Variants in MMRN2 observed in about 807,000 individuals in gnomAD.
The protein encoded by MMRN2 is multimerin 2.
In MMRN2, 53 loss-of-function variants were observed where a neutral mutation model predicts 68.8. The observed-to-expected ratio is 0.77, with a 90% CI of 0.62 to 0.97. MMRN2 has a LOEUF of 0.97. Ranked by LOEUF, MMRN2 falls within the 50% of genes least tolerant of loss-of-function variation. The pLI, the probability that MMRN2 is intolerant of heterozygous loss-of-function variation, is 0.00. For missense variants in MMRN2, 1,266 were observed against 1,259.5 expected (o/e 1.01, Z -0.08); for synonymous variants, 564 against 551.6 (o/e 1.02, Z -0.32).
Position 86,942,735 on chromosome 10 carries a change from G to A in MMRN2, c.2049C>T (p.Asp683=). Residue 683 remains aspartate (D), a synonymous_variant, in exon 6 of 7, where the codon GAC becomes GAT. Coordinates refer to ENST00000372027, the MANE Select transcript of MMRN2 (RefSeq NM_024756.3). ...TGGTGGCGGCCTCCTCGCGGCCCGC[G>A]TCGTGGCTGGGCTCCAGGTGCTCTG... ...RPAEHLEPSH[D]AGREEAATTA... 7.0e-7 allele frequency: 1 copy of A among 1,421,442 alleles called. No individual in the cohort carries two copies. The allele number at this position is 1,421,442 out of a possible 1,614,324, so 88.1% of individuals were successfully genotyped here. A position where few individuals can be genotyped will look rare whatever the true frequency, so the allele number is the denominator to read the frequency against.
Position 86,943,722 on chromosome 10 carries a change from C to G in MMRN2, c.1062G>C (p.Val354=), listed in dbSNP as rs375087673. 2.5e-6 allele frequency: 4 copies of G among 1,608,892 alleles called. No homozygotes were observed. In the African/African-American group the frequency reaches 5.3e-5, roughly 21 times the overall value. Residue 354 remains valine, a synonymous_variant, in exon 6 of 7, where the codon GTG becomes GTC. Coordinates refer to ENST00000372027, the MANE Select transcript of MMRN2 (RefSeq NM_024756.3). The surrounding 1 kb of genome is among the most constrained non-coding windows in gnomAD (Gnocchi z 4.2). ...TTGCCCCAGCCCCAGGCGTTGCCAACACCAGACTGCCATTGGTCCCTGGGG... is the reference window on the plus strand; with the variant it reads ...TTGCCCCAGCCCCAGGCGTTGCCAAGACCAGACTGCCATTGGTCCCTGGGG... ...QEAPGTNGSL[V]LATPGAGARP...
At chr10:86,945,143 G>A in intron 4 of MMRN2, 45 bp downstream of exon 4, 1 of 1,559,826 alleles carries the variant, frequency 6.4e-7, no homozygotes, top group African/African-American at 1.4e-5. Context: ...TGGCTACATG[G>A]GCCCCACCAG....
chr10:86,950,000 G>C (rs1176715602), intron 1 of MMRN2: 1 of 151,484 alleles, frequency 6.6e-6, no homozygotes, highest in Non-Finnish European at 1.5e-5. Flanking sequence ...CTAGGAATTT[G>C]AGACCAGCCT....
At position 86,943,847 on chromosome 10, in the gene MMRN2, C is replaced by A; in HGVS notation, c.937G>T (p.Asp313Tyr). ...GTAAAGTGCTGGGCGTGCAGGCGGT[C>A]CTCCACGTCCTGTCGCAGCTGACCC... Reference protein sequence around the residue: ...RVGQLRQDVEDRLHAQHFTLH... With the variant: ...RVGQLRQDVEYRLHAQHFTLH... Residue 313 changes from aspartate (D) to tyrosine (Y), a missense_variant, in exon 6 of 7, where the codon GAC becomes TAC. Transcript: ENST00000372027. This position sits in a 1 kb window ranked among gnomAD's most constrained non-coding sequence, Gnocchi z 4.2. The A allele has an allele frequency of 6.2e-7, 1 of 1,613,200 alleles. No homozygotes were observed.
At position 86,943,687 on chromosome 10, in the gene MMRN2, G is replaced by A. The variant is rs751062543; in HGVS notation, c.1097C>T (p.Pro366Leu). ...GCCCAGCCTGGCCTGCAGGCTGTCC[G>A]GCTCAGGCCTTGCCCCAGCCCCAGG... ...ATPGAGARPEPDSLQARLGQL... is the reference protein window; with the variant it reads ...ATPGAGARPELDSLQARLGQL... The change falls in exon 6 of 7, where the codon CCG becomes CTG. Residue 366 changes from proline to leucine, a missense_variant. Coordinates refer to ENST00000372027, the MANE Select transcript of MMRN2 (RefSeq NM_024756.3). This position sits in a 1 kb window ranked among gnomAD's most constrained non-coding sequence, Gnocchi z 4.2. 2.4e-5 allele frequency: 39 copies of A among 1,610,672 alleles called. No individual in the cohort carries two copies. The South Asian group carries it at 2.7e-4, about 11-fold the overall frequency.
In MMRN2 at chr10:86,942,816, G is replaced by A. The variant is rs776837048; in HGVS notation, c.1968C>T (p.Asp656=). Residue 656 remains aspartate (D), a synonymous_variant, in exon 6 of 7, where the codon GAC becomes GAT. Coordinates refer to ENST00000372027, the MANE Select transcript of MMRN2 (RefSeq NM_024756.3). ...GGGCCGTCACTCGGGCGGCCAGCTC[G>A]TCCCAGCCGAGCGCCTGCTCCTGCA... is the stretch of plus-strand genomic sequence containing the variant. ...SGLQEQALGW[D]ELAARVTALE... The A allele has an allele frequency of 3.7e-6, 5 of 1,360,826 alleles. No homozygotes were observed. Among genetic ancestry groups the A allele is most frequent in the South Asian group, 1.7e-5 (1 of 57,498 alleles). 84.3% of individuals were successfully genotyped at this position (1,360,826 alleles called of 1,614,324 possible). A position where few individuals can be genotyped will look rare whatever the true frequency, so the allele number is the denominator to read the frequency against.
At chr10:86,945,050 C>T (rs1844045404) in intron 4 of MMRN2, 138 bp downstream of exon 4, 3 of 722,828 alleles carry the variant, frequency 4.2e-6, no homozygotes, top group Non-Finnish European at 6.8e-6. Context: ...GGAGGTGGTA[C>T]AGGCCACAGA....
Position 86,936,708 on chromosome 10 carries a change from G to A in MMRN2, c.*35C>T, listed in dbSNP as rs755650561. ...AGCCCCAGGCCGAGGAGAGCTGGGC[G>A]AGTCCATGATGTCTGATCAGATTGG... On this transcript the variant is annotated 3_prime_UTR_variant, in exon 7 of 7. Coordinates refer to ENST00000372027, the MANE Select transcript of MMRN2 (RefSeq NM_024756.3). 1.5e-5 allele frequency: 24 copies of A among 1,603,134 alleles called. No homozygotes were observed. Among genetic ancestry groups the A allele is most frequent in the East Asian group, 4.5e-5 (2 of 44,696 alleles).
chr10:86,950,465 C>T lies in MMRN2; in HGVS notation c.165-4776G>A, dbSNP rs181863554. On this transcript the variant is annotated intron_variant, in intron 1 of 6. Coordinates refer to ENST00000372027, the MANE Select transcript of MMRN2 (RefSeq NM_024756.3). Reference sequence around the variant, plus strand: ...GCATGGCACACCCAGGATGCAGAACCGTGGTGTCACAGGAAACACTCTAAC... The same window carrying T: ...GCATGGCACACCCAGGATGCAGAACTGTGGTGTCACAGGAAACACTCTAAC... Among the ~76,000 whole-genome samples, 82 of 152,268 alleles carry T rather than the reference C, an allele frequency of 5.4e-4. No homozygotes were observed. In the East Asian group the frequency reaches 0.015, roughly 28 times the overall value.
At position 86,943,287 on chromosome 10, in the gene MMRN2, T is replaced by A; in HGVS notation, c.1497A>T (p.Leu499Phe). The A allele has an allele frequency of 6.2e-7, 1 of 1,613,632 alleles. No individual in the cohort carries two copies. The highest frequency in any genetic ancestry group is 8.5e-7 in the Non-Finnish European group (1 of 1,180,020). ...VKDCNCQKLY[L>F]DLDVIREGQR... ...GGCCCTCCCGGATGACGTCCAGGTCTAAATAGAGCTTCTGGCAATTGCAGT... is the reference window on the plus strand; with the variant it reads ...GGCCCTCCCGGATGACGTCCAGGTCAAAATAGAGCTTCTGGCAATTGCAGT... Residue 499 changes from leucine (L) to phenylalanine (F), a missense_variant, in exon 6 of 7, where the codon TTA becomes TTT. Leu to Phe is a conservative substitution (Grantham distance 22, BLOSUM62 0). Coordinates refer to ENST00000372027, the MANE Select transcript of MMRN2 (RefSeq NM_024756.3). This position sits in a 1 kb window ranked among gnomAD's most constrained non-coding sequence, Gnocchi z 4.2.
intron 1 of MMRN2, among the ~76,000 whole-genome samples, chr10:86,950,955 T>A (rs139068686): frequency 6.6e-6 from 1 of 152,216 alleles, no homozygotes; most frequent in African/African-American, 2.4e-5. Flanking sequence ...AGCTCATAGA[T>A]AATGCTACTT....
chr10:86,946,457 C>A (rs1844070001), intron 1 of MMRN2, among the ~76,000 whole-genome samples: 1 of 152,226 alleles, frequency 6.6e-6, no homozygotes, highest in Non-Finnish European at 1.5e-5. Flanking sequence ...GAGCAGTGTC[C>A]TCTCTGGGAT....
Position 86,945,495 on chromosome 10 carries a change from T to C in MMRN2, c.294-19A>G, listed in dbSNP as rs1415994967. ...GCGGTACCTGGAAGAGGAGAAGGGCTGGCTCAGTGATTCCAGGGAGGGCCC... is the reference window on the plus strand; with the variant it reads ...GCGGTACCTGGAAGAGGAGAAGGGCCGGCTCAGTGATTCCAGGGAGGGCCC... On this transcript the variant is annotated intron_variant, in intron 2 of 6. Transcript: ENST00000372027. The C allele has an allele frequency of 1.3e-6, 2 of 1,556,802 alleles. No homozygotes were observed. The highest frequency in any genetic ancestry group is 1.2e-5 in the South Asian group (1 of 84,798).
At position 86,942,575 on chromosome 10, in the gene MMRN2, G is replaced by C. The variant is rs757661512; in HGVS notation, c.2209C>G (p.Leu737Val). 5.0e-6 allele frequency: 8 copies of C among 1,612,244 alleles called. No individual in the cohort carries two copies. Among genetic ancestry groups the C allele is most frequent in the African/African-American group, 1.3e-5 (1 of 74,946 alleles). The change falls in exon 6 of 7, where the codon CTC (leucine) becomes GTC (valine). Residue 737 changes from leucine to valine, a missense_variant. Coordinates refer to ENST00000372027, the MANE Select transcript of MMRN2 (RefSeq NM_024756.3). ...TCCAAGCTGCGCTGAGTGGCGAAGA[G>C]TGCGTTGTGGAGGCCGTGAAGGGAG... is the stretch of plus-strand genomic sequence containing the variant. ...NASLHGLHNA[L>V]FATQRSLEQH... is the part of the protein sequence containing the mutation.
rs1343800185 is a variant in MMRN2 at position 86,937,007 on chromosome 10, G to A, written c.2586C>T (p.Phe862=). 2.5e-6 allele frequency: 4 copies of A among 1,614,124 alleles called. No homozygotes were observed. The highest frequency in any genetic ancestry group is 3.4e-6 in the Non-Finnish European group (4 of 1,180,052). ...GSSYFPEHGY[F]RAPERGVYLF... ...GGTAGACACCACGCTCAGGGGCTCG[G>A]AAGTAGCCATGTTCAGGGAAGTAGC... Residue 862 remains phenylalanine (F), a synonymous_variant, in exon 7 of 7, where the codon TTC becomes TTT. Coordinates refer to ENST00000372027, the MANE Select transcript of MMRN2 (RefSeq NM_024756.3).
Position 86,936,508 on chromosome 10 carries a change from T to A in MMRN2, c.*235A>T, listed in dbSNP as rs1389171544. 1 of 580,530 alleles carries A rather than the reference T, an allele frequency of 1.7e-6. No homozygotes were observed. Among genetic ancestry groups the A allele is most frequent in the Admixed American group, 3.0e-5 (1 of 33,200 alleles). 36.0% of individuals were successfully genotyped at this position (580,530 alleles called of 1,614,324 possible). A position where few individuals can be genotyped will look rare whatever the true frequency, so the allele number is the denominator to read the frequency against. Reference sequence around the variant, plus strand: ...CTGAGAAGGCATGCCAAGCCAAGGTTCAGGCTTCCTAGGACCATGTCCTGC... The same window carrying A: ...CTGAGAAGGCATGCCAAGCCAAGGTACAGGCTTCCTAGGACCATGTCCTGC... On this transcript the variant is annotated 3_prime_UTR_variant, in exon 7 of 7. Transcript: ENST00000372027.
chr10:86,943,155 C>T lies in MMRN2; in HGVS notation c.1629G>A (p.Val543=). 6.3e-7 allele frequency: 1 copy of T among 1,599,528 alleles called. No individual in the cohort carries two copies. Among genetic ancestry groups the T allele is most frequent in the Non-Finnish European group, 8.5e-7 (1 of 1,174,314 alleles). ...LQALQNAVDA[V]SLAVDAHKAE... ...CTTTGTGCGCGTCCACGGCCAGCGACACGGCGTCCACGGCGTTCTGCAGGG... is the reference window on the plus strand; with the variant it reads ...CTTTGTGCGCGTCCACGGCCAGCGATACGGCGTCCACGGCGTTCTGCAGGG... Residue 543 remains valine (V), a synonymous_variant, in exon 6 of 7, where the codon GTG becomes GTA. Coordinates refer to ENST00000372027, the MANE Select transcript of MMRN2 (RefSeq NM_024756.3). This position sits in a 1 kb window ranked among gnomAD's most constrained non-coding sequence, Gnocchi z 4.2.
chr10:86,945,751 T>G, intron 1 of MMRN2, 62 bp from the exon 2 acceptor site: 2 of 1,609,716 alleles, frequency 1.2e-6, no homozygotes, highest in African/African-American at 1.3e-5. Context: ...GGGGTGCCAG[T>G]GCAGAGCCAC....
At chr10:86,950,658 T>G (rs10749543) in intron 1 of MMRN2, among the ~76,000 whole-genome samples, 1 of 151,942 alleles carries the variant, frequency 6.6e-6, no homozygotes, top group Non-Finnish European at 1.5e-5. Flanking sequence ...TCCAAGAAGA[T>G]GCAGCTGATC....
Sources: gnomAD v4.1 joint callset for allele counts (sites outside exome capture counted in the v4.1 genomes callset) on GRCh38, gnomAD v4.1.1 for gene constraint, Gnocchi (gnomAD v3.1) non-coding constraint, MANE v1.5 for transcripts, NCBI Gene and HGNC (gene_info 2026-07-23, HGNC 2026-07-21) for gene names.